The following DPP6 variants were observed in gnomAD, a reference collection of about 807,000 sequenced individuals.
DPP6 encodes the protein dipeptidyl peptidase like 6.
DPP6 carries 69 observed loss-of-function variants against 122.6 expected under a neutral mutation model. That is an observed-to-expected ratio of 0.56 (90% CI 0.46 to 0.69). The LOEUF (loss-of-function observed/expected upper bound fraction) is 0.69. Ranked by LOEUF, DPP6 falls within the 30% of genes least tolerant of loss-of-function variation. The probability of loss-of-function intolerance (pLI) is 0.00; values close to 1 mark genes in which losing one functional copy is unlikely to be tolerated. For missense variants in DPP6, 928 were observed against 1,116.9 expected (o/e 0.83, Z 2.41); for synonymous variants, 418 against 433.1 (o/e 0.97, Z 0.43).
At chr7:154,385,105 G>C (rs891291344) in intron 1 of DPP6, among the ~76,000 whole-genome samples, 1 of 152,128 alleles carries the variant, frequency 6.6e-6, no homozygotes, top group Non-Finnish European at 1.5e-5. Flanking sequence ...CGGTAGCTGG[G>C]ACTACAGGTG....
chr7:154,478,629 G>T (rs1035903860), intron 3 of DPP6, among the ~76,000 whole-genome samples: 2 of 152,060 alleles, frequency 1.3e-5, no homozygotes, highest in African/African-American at 4.8e-5. Context: ...CTGAGTCTCA[G>T]GGTATTGAAA....
intron 2 of DPP6, among the ~76,000 whole-genome samples, chr7:154,463,195 CTTTTTTTT>C (rs368362408): frequency 1.2e-4 from 10 of 84,134 alleles, no homozygotes; most frequent in African/African-American, 2.4e-4. Flanking sequence ...TTCTCCTTTT[CTTTTTTTT>C]TTTTTTTTTT....
rs112485671 is a variant in DPP6, at chr7:154,322,904, G to A, written c.244-123310G>A. Reference sequence around the variant, plus strand: ...CGACGTTATCAACCTGGTTTCAAACGCCATGAGCAAAAATCAAATCAGGTA... The same window carrying A: ...CGACGTTATCAACCTGGTTTCAAACACCATGAGCAAAAATCAAATCAGGTA... On this transcript the variant is annotated intron_variant, in intron 1 of 25. Transcript: ENST00000377770. 5.5e-4 allele frequency among the ~76,000 whole-genome samples: 83 copies of A among 152,118 alleles called. 3 individuals carry two copies. Among genetic ancestry groups the A allele is most frequent in the East Asian group, 5.8e-4 (3 of 5,184 alleles).
chr7:154,861,478 G>A (rs747604207), intron 17 of DPP6, among the ~76,000 whole-genome samples: 1 of 151,920 alleles, frequency 6.6e-6, no homozygotes, highest in Non-Finnish European at 1.5e-5. Context: ...TTTCCTCCTC[G>A]AGCTGATATT....
At chr7:153,765,458 C>T in the DPP6 span, among the ~76,000 whole-genome samples, 3 of 152,000 alleles carry the variant, frequency 2.0e-5, no homozygotes, top group African/African-American at 4.8e-5. Flanking sequence ...AGGAGAATCC[C>T]TTGAACCAGG....
intron 1 of DPP6, among the ~76,000 whole-genome samples, chr7:154,387,086 G>A (rs906030963): frequency 6.6e-6 from 1 of 152,070 alleles, no homozygotes; most frequent in Non-Finnish European, 1.5e-5. Flanking sequence ...GAAAGAGTGT[G>A]GAAAGAAGAG....
chr7:154,013,565 A>G (rs1798259813), intron 1 of DPP6, among the ~76,000 whole-genome samples: 1 of 151,366 alleles, frequency 6.6e-6, no homozygotes, highest in African/African-American at 2.4e-5. Context: ...TGTTTACTTC[A>G]TATCTTTCTG....
intron 1 of DPP6, among the ~76,000 whole-genome samples, chr7:154,090,369 G>C (rs1300198336): frequency 1.3e-5 from 2 of 152,196 alleles, no homozygotes; most frequent in East Asian, 1.9e-4. Flanking sequence ...TTCAGGTTCT[G>C]TGTAGCTTAG....
At chr7:154,169,134 G>C (rs7791134) in intron 1 of DPP6, among the ~76,000 whole-genome samples, 116,117 of 152,066 alleles carry the variant, frequency 0.76, 44,861 homozygotes, top group East Asian at 0.95. Flanking sequence ...GAGACAATCA[G>C]TTGCTATTCT....
chr7:154,627,526 A>G (rs1017637043), intron 5 of DPP6, among the ~76,000 whole-genome samples: 1 of 152,124 alleles, frequency 6.6e-6, no homozygotes, highest in Non-Finnish European at 1.5e-5. Flanking sequence ...TTATAACAAG[A>G]CGTTTAACTT....
At chr7:154,164,272 C>T (rs1161952892) in intron 1 of DPP6, among the ~76,000 whole-genome samples, 8 of 149,808 alleles carry the variant, frequency 5.3e-5, no homozygotes, top group East Asian at 2.0e-4. Flanking sequence ...CTCTCTCCCC[C>T]GCTCCTTCCC....
chr7:154,853,605 C>T (rs913374531), intron 16 of DPP6, among the ~76,000 whole-genome samples, 175 bp from the exon 17 acceptor site: 2 of 152,206 alleles, frequency 1.3e-5, no homozygotes, highest in East Asian at 3.9e-4. Flanking sequence ...TGTGCCTTGG[C>T]CCCCCTGCCG....
intron 15 of DPP6, 35 bp downstream of exon 15, chr7:154,804,999 C>G (rs1388119779): frequency 1.3e-6 from 2 of 1,574,980 alleles, no homozygotes; most frequent in South Asian, 2.3e-5. Flanking sequence ...AGGGCTCTCC[C>G]CCTTAGGAGG....
At chr7:154,149,763 G>A (rs1483054996) in intron 1 of DPP6, among the ~76,000 whole-genome samples, 1 of 152,144 alleles carries the variant, frequency 6.6e-6, no homozygotes, top group Non-Finnish European at 1.5e-5. Flanking sequence ...AAGAGAAGAC[G>A]GAGCAATGGC....
At chr7:154,180,466 ATATT>A (rs1388433738) in intron 1 of DPP6, among the ~76,000 whole-genome samples, 1 of 145,098 alleles carries the variant, frequency 6.9e-6, no homozygotes, top group South Asian at 2.1e-4. Flanking sequence ...ATATAGATAT[ATATT>A]TATATAATGT....
At chr7:154,632,754 A>G (rs549608273) in intron 5 of DPP6, among the ~76,000 whole-genome samples, 8,200 of 133,882 alleles carry the variant, frequency 0.061, 259 homozygotes, top group Non-Finnish European at 0.07. Flanking sequence ...GTGGCCAAAG[A>G]AAAAACTCAG....
At chr7:153,900,883 C>A (rs1020551430) in intron 1 of DPP6, among the ~76,000 whole-genome samples, 1 of 152,172 alleles carries the variant, frequency 6.6e-6, no homozygotes. Context: ...CTTACTGTAA[C>A]CTTTCCATTT....
chr7:153,885,918 T>C (rs567438482), upstream of DPP6, among the ~76,000 whole-genome samples: 22 of 152,312 alleles, frequency 1.4e-4, no homozygotes, highest in African/African-American at 5.1e-4. Context: ...CATGTGGGCA[T>C]TGTGGATAAC....
intron 1 of DPP6, among the ~76,000 whole-genome samples, chr7:154,217,057 G>A (rs10242829): frequency 0.036 from 5,419 of 151,560 alleles, 200 homozygotes; most frequent in African/African-American, 0.088. Flanking sequence ...CCAATTTTAC[G>A]CACAAGCCTC....
Sources: allele counts gnomAD v4.1 joint callset (sites outside exome capture counted in the v4.1 genomes callset), GRCh38; gene constraint gnomAD v4.1.1; transcripts MANE v1.5; gene names NCBI Gene and HGNC (gene_info 2026-07-23, HGNC 2026-07-21).